Variants in SMG7 observed in about 807,000 individuals in gnomAD.
SMG7 encodes nonsense-mediated mRNA decay factor SMG7.
Under a neutral mutation model 148.2 loss-of-function variants are expected in SMG7, and 34 were observed. The observed-to-expected ratio is 0.23, with a 90% CI of 0.17 to 0.31. The LOEUF is 0.31. Among genes scored for constraint, SMG7 ranks in the 10% least tolerant of loss-of-function variants. SMG7 has a pLI of 1.00. For missense variants in SMG7, 1,114 were observed against 1,408.4 expected, an observed-to-expected ratio of 0.79 and a Z score of 3.35; for synonymous variants, 492 against 515.1, an observed-to-expected ratio of 0.96 and a Z score of 0.61.
intron 13 of SMG7, among the ~76,000 whole-genome samples, 163 bp from the exon 14 acceptor site, chr1:183,541,913 T>C (rs547950683): frequency 6.6e-4 from 100 of 152,350 alleles, no homozygotes; most frequent in African/African-American, 2.2e-3. Context: ...GAACCTCAGT[T>C]TCTACATAAC....
At chr1:183,481,569 T>A (rs1243004250) in intron 1 of SMG7, among the ~76,000 whole-genome samples, 2 of 152,236 alleles carry the variant, frequency 1.3e-5, no homozygotes. Flanking sequence ...TTTGTTTTGT[T>A]TTTGCAAAAC....
intron 4 of SMG7, 107 bp downstream of exon 4, chr1:183,517,927 C>T: frequency 8.9e-7 from 1 of 1,126,938 alleles, no homozygotes; most frequent in Non-Finnish European, 1.3e-6. Context: ...CTATGTGGGC[C>T]ATCCAGGGAT....
intron 1 of SMG7, among the ~76,000 whole-genome samples, chr1:183,482,230 G>A (rs183071716): frequency 1.5e-3 from 223 of 151,860 alleles, no homozygotes; most frequent in African/African-American, 5.1e-3. Context: ...GTGTGGGGGT[G>A]GGGGGTCTAA....
In SMG7 at chr1:183,517,713, A is replaced by G; in HGVS notation, c.205A>G (p.Ile69Val). ...CTGGAATCACGCCTTTAAGAATCAG[A>G]TCACAACACTGCAAGGCCAGGCAAA... is the stretch of plus-strand genomic sequence containing the variant. Reference protein sequence around the residue: ...DLWNHAFKNQITTLQGQAKNR... With the variant: ...DLWNHAFKNQVTTLQGQAKNR... Residue 69 changes from isoleucine (I) to valine (V), a missense_variant, in exon 4 of 23, where the codon ATC (isoleucine) becomes GTC (valine). Physicochemically the swap from Ile to Val is conservative, Grantham distance 29. Transcript: ENST00000688051. The G allele has an allele frequency of 1.2e-6, 2 of 1,614,118 alleles. No individual in the cohort carries two copies. The highest frequency in any genetic ancestry group is 1.7e-6 in the Non-Finnish European group (2 of 1,179,954).
chr1:183,524,403 G>T (rs141619824), intron 4 of SMG7, among the ~76,000 whole-genome samples: 15 of 152,288 alleles, frequency 9.8e-5, no homozygotes, highest in African/African-American at 3.6e-4. Context: ...TTACAGGCAT[G>T]AGCTACCATG....
intron 11 of SMG7, among the ~76,000 whole-genome samples, chr1:183,537,804 CTATT>C (rs1371706180): frequency 2.0e-5 from 3 of 152,308 alleles, no homozygotes; most frequent in South Asian, 2.1e-4. Context: ...GTGCTATAAT[CTATT>C]TACGCACTTT....
intron 1 of SMG7, among the ~76,000 whole-genome samples, chr1:183,489,563 G>A (rs1656406571): frequency 6.6e-6 from 1 of 151,952 alleles, no homozygotes; most frequent in African/African-American, 2.4e-5. Context: ...GGAATAAAAG[G>A]GAATATTTAA....
intron 1 of SMG7, among the ~76,000 whole-genome samples, chr1:183,495,444 AGAGT>A (rs1465285839): frequency 1.3e-5 from 2 of 152,166 alleles, no homozygotes; most frequent in Non-Finnish European, 2.9e-5. Context: ...GGAGGAAGAG[AGAGT>A]GAGGAAAACA....
chr1:183,528,819 T>G (rs1210863979), intron 6 of SMG7, 73 bp from the exon 7 acceptor site: 2 of 1,299,864 alleles, frequency 1.5e-6, no homozygotes, highest in Non-Finnish European at 2.2e-6. Context: ...ATTTAAACAC[T>G]GATCATTTGT....
chr1:183,551,043 A>G lies in SMG7; in HGVS notation c.3305-2A>G. ...TTTTTCTTATCTCTTTTCATCCCTT[A>G]GCCATGGGTGGGTTTGGCATTGATT... On this transcript the variant is annotated splice_acceptor_variant, in intron 21 of 22. Coordinates refer to ENST00000688051, the MANE Select transcript of SMG7 (RefSeq NM_001375584.1). LOFTEE classifies it high-confidence loss of function. The G allele has an allele frequency of 6.2e-7, 1 of 1,614,046 alleles. No homozygotes were observed. The highest frequency in any genetic ancestry group is 8.5e-7 in the Non-Finnish European group (1 of 1,179,980).
intron 1 of SMG7, among the ~76,000 whole-genome samples, chr1:183,505,645 A>G (rs143730039): frequency 2.0e-5 from 3 of 152,238 alleles, no homozygotes; most frequent in African/African-American, 7.2e-5. Flanking sequence ...TAATTCAACA[A>G]ATTGAACGCA....
chr1:183,493,938 A>G (rs985273985), intron 1 of SMG7, among the ~76,000 whole-genome samples: 7 of 152,104 alleles, frequency 4.6e-5, no homozygotes, highest in Admixed American at 6.5e-5. Context: ...GGAATCTCCA[A>G]ATAATTATAG....
intron 4 of SMG7, among the ~76,000 whole-genome samples, chr1:183,519,908 C>T (rs1664393172): frequency 6.6e-6 from 1 of 152,126 alleles, no homozygotes; most frequent in African/African-American, 2.4e-5. Flanking sequence ...AGTTTAAATA[C>T]TGTTGACACC....
intron 1 of SMG7, among the ~76,000 whole-genome samples, chr1:183,485,596 G>T (rs1655250561): frequency 1.3e-5 from 2 of 152,182 alleles, no homozygotes; most frequent in East Asian, 1.9e-4. Context: ...GGGGAATATT[G>T]AGAACCAGCT....
chr1:183,507,433 C>T (rs1329890873), intron 1 of SMG7, among the ~76,000 whole-genome samples: 1 of 151,794 alleles, frequency 6.6e-6, no homozygotes, highest in Non-Finnish European at 1.5e-5. Flanking sequence ...TATATAATAT[C>T]ATAAAATAAT....
At chr1:183,484,217 A>G (rs1000999267) in intron 1 of SMG7, among the ~76,000 whole-genome samples, 1 of 152,142 alleles carries the variant, frequency 6.6e-6, no homozygotes, top group Admixed American at 6.5e-5. Flanking sequence ...AAAATGGCAT[A>G]GTACTTGCAC....
chr1:183,550,990 A>G (rs562078888), intron 21 of SMG7, 55 bp from the exon 22 acceptor site: 33 of 1,613,446 alleles, frequency 2.0e-5, no homozygotes, highest in African/African-American at 8.0e-5. Flanking sequence ...GGGTCTGGCA[A>G]TTGGCAGTGA....
Position 183,527,757 on chromosome 1 carries a change from T to G in SMG7, c.485-199T>G. 3.4e-6 allele frequency: 2 copies of G among 586,726 alleles called. No individual in the cohort carries two copies. The highest frequency in any genetic ancestry group is 3.1e-5 in the South Asian group (2 of 64,276). 36.3% of individuals were successfully genotyped at this position (586,726 alleles called of 1,614,324 possible). On this transcript the variant is annotated intron_variant, in intron 5 of 22. Coordinates refer to ENST00000688051, the MANE Select transcript of SMG7 (RefSeq NM_001375584.1). This position sits in a 1 kb window ranked among gnomAD's most constrained non-coding sequence, Gnocchi z 4.0. ...GTAAGCTTTAAAATTGGTTACATGCTGAATGTCCCAAATAAGGAAGGCTGA... is the reference window on the plus strand; with the variant it reads ...GTAAGCTTTAAAATTGGTTACATGCGGAATGTCCCAAATAAGGAAGGCTGA...
intron 1 of SMG7, among the ~76,000 whole-genome samples, chr1:183,494,756 CTTTTTTTTT>C (rs141159130): frequency 3.3e-4 from 5 of 15,278 alleles, no homozygotes; most frequent in Non-Finnish European, 6.5e-4. Context: ...AGCCCTTGTT[CTTTTTTTTT>C]TTTTTTTTTT....
Sources: allele counts gnomAD v4.1 joint callset (sites outside exome capture counted in the v4.1 genomes callset), GRCh38; gene constraint gnomAD v4.1.1; non-coding constraint Gnocchi (gnomAD v3.1); transcripts MANE v1.5; gene names NCBI Gene and HGNC (gene_info 2026-07-23, HGNC 2026-07-21).